GALNT13: variants seen among roughly 807,000 people sequenced by gnomAD.
GALNT13 encodes polypeptide N-acetylgalactosaminyltransferase 13.
In GALNT13, 28 loss-of-function variants were observed where a neutral mutation model predicts 64.2. That is an observed-to-expected ratio of 0.44 (90% CI 0.32 to 0.60). GALNT13 has a LOEUF of 0.60. Among genes scored for constraint, GALNT13 ranks in the 20% least tolerant of loss-of-function variants. GALNT13 has a pLI of 0.05. For missense variants in GALNT13, 577 were observed against 669.8 expected (o/e 0.86, Z 1.53); for synonymous variants, 214 against 224.6 (o/e 0.95, Z 0.42).
At chr2:153,109,904 A>C in the GALNT13 span, among the ~76,000 whole-genome samples, 1 of 152,102 alleles carries the variant, frequency 6.6e-6, no homozygotes, top group Non-Finnish European at 1.5e-5. Flanking sequence ...ATAAAAGCAC[A>C]AGGTAAACAG....
chr2:153,629,384 A>C, the GALNT13 span, among the ~76,000 whole-genome samples: 2 of 151,810 alleles, frequency 1.3e-5, no homozygotes, highest in African/African-American at 4.8e-5. Flanking sequence ...CCTGAGAAAA[A>C]CAAGCAGTGG....
chr2:154,056,030 G>T (rs1699876931), intron 3 of GALNT13, among the ~76,000 whole-genome samples: 1 of 152,014 alleles, frequency 6.6e-6, no homozygotes, highest in Non-Finnish European at 1.5e-5. Flanking sequence ...TTTTCTTCAT[G>T]TCAGAATTAC....
At chr2:154,211,636 AAAAAAAAAAAAAAAAAAAAG>A (rs1242044051) in intron 4 of GALNT13, among the ~76,000 whole-genome samples, 1 of 146,664 alleles carries the variant, frequency 6.8e-6, no homozygotes, top group Non-Finnish European at 1.5e-5. Flanking sequence ...CTCCAAAAAA[AAAAAAAAAAAAAAAAAAAAG>A]AAAAGAAAAG....
the GALNT13 span, among the ~76,000 whole-genome samples, chr2:153,117,706 G>A: frequency 6.6e-6 from 1 of 152,080 alleles, no homozygotes; most frequent in Non-Finnish European, 1.5e-5. Flanking sequence ...TACTCAAATA[G>A]GCACTTTTGC....
the GALNT13 span, among the ~76,000 whole-genome samples, chr2:153,589,447 C>T: frequency 2.0e-5 from 3 of 152,170 alleles, no homozygotes; most frequent in Non-Finnish European, 4.4e-5. Context: ...CTGTTCCAAC[C>T]TCTGCCCTTT....
At chr2:154,375,975 G>A (rs799784) in intron 9 of GALNT13, among the ~76,000 whole-genome samples, 151,045 of 152,314 alleles carry the variant, frequency 0.99, 74,911 homozygotes, top group Middle Eastern at 1. Flanking sequence ...TTGTTGGAAG[G>A]ACGTAGTTGT....
the GALNT13 span, among the ~76,000 whole-genome samples, chr2:153,124,942 C>T: frequency 9.9e-5 from 15 of 152,110 alleles, no homozygotes; most frequent in Non-Finnish European, 1.5e-4. Context: ...TCATTCTGTC[C>T]AACCCCTGTA....
chr2:153,688,994 GTGTGTGTGTGT>G, the GALNT13 span, among the ~76,000 whole-genome samples: 1 of 21,612 alleles, frequency 4.6e-5, no homozygotes, highest in Non-Finnish European at 1.8e-4. Context: ...AGGTAGGGGT[GTGTGTGTGTGT>G]GTGTGTGTGT....
chr2:153,345,649 TTCTTTC>T, the GALNT13 span, among the ~76,000 whole-genome samples: 24 of 130,206 alleles, frequency 1.8e-4, no homozygotes, highest in Non-Finnish European at 3.1e-4. Context: ...CTTTCTTTCT[TTCTTTC>T]TTTCTTTCTT....
intron 3 of GALNT13, among the ~76,000 whole-genome samples, chr2:154,023,792 A>G (rs1163924369): frequency 6.6e-6 from 1 of 152,156 alleles, no homozygotes; most frequent in Non-Finnish European, 1.5e-5. Context: ...CCTAGCCTTG[A>G]TGGTCTTTAC....
intron 3 of GALNT13, among the ~76,000 whole-genome samples, chr2:154,020,490 A>C (rs1697372579): frequency 6.6e-6 from 1 of 152,082 alleles, no homozygotes; most frequent in South Asian, 2.1e-4. Flanking sequence ...TGGCTGCATA[A>C]ATGTCTTCTT....
chr2:153,560,190 G>T, the GALNT13 span, among the ~76,000 whole-genome samples: 1 of 151,964 alleles, frequency 6.6e-6, no homozygotes, highest in African/African-American at 2.4e-5. Context: ...CATGATCTGG[G>T]CTCTAATGGT....
chr2:153,709,713 C>T, the GALNT13 span, among the ~76,000 whole-genome samples: 1 of 152,078 alleles, frequency 6.6e-6, no homozygotes, highest in African/African-American at 2.4e-5. Flanking sequence ...CAGCTCCATT[C>T]ACCACAGCCA....
chr2:153,768,288 A>G, the GALNT13 span, among the ~76,000 whole-genome samples: 2 of 152,208 alleles, frequency 1.3e-5, no homozygotes, highest in African/African-American at 4.8e-5. Flanking sequence ...GCAATGTTCC[A>G]TAAAGGTCTT....
intron 2 of GALNT13, among the ~76,000 whole-genome samples, chr2:153,916,262 A>G (rs965553577): frequency 1.3e-5 from 2 of 151,564 alleles, no homozygotes; most frequent in African/African-American, 2.4e-5. Context: ...TACTCAAGCA[A>G]TTCCCTTCCT....
the GALNT13 span, among the ~76,000 whole-genome samples, chr2:153,491,822 T>C: frequency 3.9e-5 from 6 of 151,914 alleles, no homozygotes; most frequent in Admixed American, 6.6e-5. Context: ...GGTTTCACCA[T>C]TGGCCAGGCT....
the GALNT13 span, among the ~76,000 whole-genome samples, chr2:153,727,068 C>T: frequency 6.6e-6 from 1 of 151,834 alleles, no homozygotes; most frequent in African/African-American, 2.4e-5. Context: ...CATAACTTCA[C>T]ACAGTAATAT....
intron 2 of GALNT13, among the ~76,000 whole-genome samples, chr2:153,918,914 T>A (rs1345928964): frequency 6.6e-6 from 1 of 152,138 alleles, no homozygotes; most frequent in Non-Finnish European, 1.5e-5. Context: ...GTCACATTCA[T>A]TCACACCTCA....
At chr2:153,710,704 C>A in the GALNT13 span, among the ~76,000 whole-genome samples, 1 of 151,992 alleles carries the variant, frequency 6.6e-6, no homozygotes, top group African/African-American at 2.4e-5. Context: ...TTGCTTGTTT[C>A]CTCCATATGC....
Sources: gnomAD v4.1 joint callset for allele counts (sites outside exome capture counted in the v4.1 genomes callset) on GRCh38, gnomAD v4.1.1 for gene constraint, MANE v1.5 for transcripts, NCBI Gene and HGNC (gene_info 2026-07-23, HGNC 2026-07-21) for gene names.